Variants in NDST4 observed in about 807,000 individuals in gnomAD.
The protein encoded by NDST4 is N-deacetylase and N-sulfotransferase 4.
In NDST4, 63 loss-of-function variants were observed where a neutral mutation model predicts 100.8. The observed-to-expected ratio is 0.62, with a 90% CI of 0.51 to 0.77. The LOEUF (loss-of-function observed/expected upper bound fraction) is 0.77. NDST4 is among the 30% of genes least tolerant of loss of function. NDST4 has a pLI of 0.00. For missense variants in NDST4, 943 were observed against 1,018.4 expected, an observed-to-expected ratio of 0.93 and a Z score of 1.01; for synonymous variants, 377 against 361.8, an observed-to-expected ratio of 1.04 and a Z score of -0.48.
chr4:114,893,353 T>G (rs1724640444), intron 6 of NDST4, among the ~76,000 whole-genome samples: 1 of 152,128 alleles, frequency 6.6e-6, no homozygotes, highest in Non-Finnish European at 1.5e-5. Flanking sequence ...TAATTTACAT[T>G]CCCACCAACA....
At chr4:114,854,509 C>T (rs1723748675) in intron 7 of NDST4, among the ~76,000 whole-genome samples, 1 of 152,048 alleles carries the variant, frequency 6.6e-6, no homozygotes, top group South Asian at 2.1e-4. Context: ...GCTCTTGTTG[C>T]CCAGGCTGGA....
At chr4:115,025,260 T>C (rs942089314) in intron 2 of NDST4, among the ~76,000 whole-genome samples, 1 of 152,188 alleles carries the variant, frequency 6.6e-6, no homozygotes, top group Non-Finnish European at 1.5e-5. Context: ...CTCTGCTTCA[T>C]CTGAGCCTGA....
intron 4 of NDST4, among the ~76,000 whole-genome samples, chr4:114,953,261 A>T (rs1726062866): frequency 6.6e-6 from 1 of 152,002 alleles, no homozygotes. Flanking sequence ...TCTCCATTTG[A>T]TTTCGAAACT....
At chr4:115,099,446 A>G (rs914823418) in intron 1 of NDST4, among the ~76,000 whole-genome samples, 19 of 152,182 alleles carry the variant, frequency 1.2e-4, no homozygotes, top group Non-Finnish European at 2.6e-4. Flanking sequence ...AAAATATACA[A>G]AGAACTCTTA....
At chr4:114,989,494 A>G (rs1726989427) in intron 2 of NDST4, among the ~76,000 whole-genome samples, 1 of 152,202 alleles carries the variant, frequency 6.6e-6, no homozygotes, top group Non-Finnish European at 1.5e-5. Flanking sequence ...TTTGGTTAGG[A>G]GTTTGTATTT....
chr4:114,862,309 C>T (rs762010903), intron 7 of NDST4, among the ~76,000 whole-genome samples: 6 of 152,108 alleles, frequency 3.9e-5, no homozygotes, highest in Non-Finnish European at 8.8e-5. Flanking sequence ...CACTTTAGAA[C>T]TTAAACATTA....
chr4:114,952,872 T>A lies in NDST4; in HGVS notation c.1222-15369A>T, dbSNP rs553013589. Among the ~76,000 whole-genome samples the A allele has an allele frequency of 9.7e-4, 147 of 152,212 alleles. No individual in the cohort carries two copies. In the Middle Eastern group the frequency reaches 0.014, roughly 14 times the overall value. On this transcript the variant is annotated intron_variant, in intron 4 of 13. Transcript: ENST00000264363. ...CCATGCTAATCTAAGCTTTATGCAA[T>A]AAGATCTCAATACCTAAAGGTGAGT...
intron 4 of NDST4, among the ~76,000 whole-genome samples, chr4:114,967,761 T>A (rs2126239492): frequency 6.6e-6 from 1 of 152,226 alleles, no homozygotes; most frequent in South Asian, 2.1e-4. Flanking sequence ...AAGTAAAAAA[T>A]GACCCCTTGT....
chr4:114,969,308 C>T (rs1162218805), intron 4 of NDST4, among the ~76,000 whole-genome samples: 6 of 125,250 alleles, frequency 4.8e-5, no homozygotes, highest in African/African-American at 1.9e-4. Flanking sequence ...AGCGAGACTC[C>T]GTCTCAAAAA....
chr4:115,080,106 C>T (rs1047288141), intron 1 of NDST4, among the ~76,000 whole-genome samples: 1 of 152,038 alleles, frequency 6.6e-6, no homozygotes, highest in Non-Finnish European at 1.5e-5. Flanking sequence ...TGGGGAATTA[C>T]TAATACTCTA....
intron 7 of NDST4, among the ~76,000 whole-genome samples, chr4:114,863,741 C>G (rs1428450964): frequency 2.6e-5 from 4 of 152,312 alleles, no homozygotes; most frequent in African/African-American, 9.6e-5. Flanking sequence ...CACACAGGTA[C>G]AGGTGATGCA....
At chr4:114,987,481 G>T (rs757331394) in intron 2 of NDST4, among the ~76,000 whole-genome samples, 4 of 152,182 alleles carry the variant, frequency 2.6e-5, no homozygotes, top group Non-Finnish European at 5.9e-5. Flanking sequence ...GAATGTGGAT[G>T]TTTGAGCTAC....
chr4:115,097,907 C>A (rs935940275), intron 1 of NDST4, among the ~76,000 whole-genome samples: 4 of 152,128 alleles, frequency 2.6e-5, no homozygotes, highest in Admixed American at 1.3e-4. Flanking sequence ...TTTCTTCTTG[C>A]CTAGAATACT....
intron 1 of NDST4, among the ~76,000 whole-genome samples, chr4:115,109,122 A>G (rs1298844315): frequency 3.3e-5 from 5 of 151,794 alleles, no homozygotes; most frequent in African/African-American, 1.2e-4. Context: ...AAGAAAAAGA[A>G]TAGAAAAAGA....
chr4:114,862,128 G>A (rs2126193164), intron 7 of NDST4, among the ~76,000 whole-genome samples: 1 of 152,160 alleles, frequency 6.6e-6, no homozygotes, highest in Non-Finnish European at 1.5e-5. Flanking sequence ...CTTAGGACAG[G>A]CACAGTAAAC....
At chr4:115,084,207 C>A (rs967219554) in intron 1 of NDST4, among the ~76,000 whole-genome samples, 2 of 152,172 alleles carry the variant, frequency 1.3e-5, no homozygotes, top group Admixed American at 6.6e-5. Context: ...TCTTGCTATG[C>A]TTTAGCAAAG....
chr4:115,071,732 T>C (rs1331197735), intron 2 of NDST4, among the ~76,000 whole-genome samples: 3 of 151,766 alleles, frequency 2.0e-5, no homozygotes, highest in Admixed American at 2.0e-4. Context: ...GTTAATGTTG[T>C]ACTACCAGAA....
chr4:114,862,228 C>T (rs1272456764), intron 7 of NDST4, among the ~76,000 whole-genome samples: 2 of 152,158 alleles, frequency 1.3e-5, no homozygotes, highest in African/African-American at 4.8e-5. Flanking sequence ...AAAACTCCTA[C>T]AACACACCAT....
chr4:115,024,809 G>A (rs755324339), intron 2 of NDST4, among the ~76,000 whole-genome samples: 2 of 152,144 alleles, frequency 1.3e-5, no homozygotes, highest in Non-Finnish European at 2.9e-5. Context: ...TTCAAAATGC[G>A]TGTTTAAATA....
Sources: allele counts gnomAD v4.1 joint callset (sites outside exome capture counted in the v4.1 genomes callset), GRCh38; gene constraint gnomAD v4.1.1; transcripts MANE v1.5; gene names NCBI Gene and HGNC (gene_info 2026-07-23, HGNC 2026-07-21).